IGF2BP2: variants seen among roughly 807,000 people sequenced by gnomAD.
The protein encoded by IGF2BP2 is insulin like growth factor 2 mRNA binding protein 2, also known as insulin-like growth factor 2 mRNA-binding protein 2.
IGF2BP2 carries 17 observed loss-of-function variants against 75.8 expected under a neutral mutation model. The ratio of observed to expected loss-of-function variants is 0.22; its 90% CI spans 0.15 to 0.34. The LOEUF (loss-of-function observed/expected upper bound fraction) is 0.34. Among genes scored for constraint, IGF2BP2 ranks in the 10% least tolerant of loss-of-function variants. The pLI, the probability that IGF2BP2 is intolerant of heterozygous loss-of-function variation, is 1.00. For missense variants in IGF2BP2, 516 were observed against 772.4 expected, an observed-to-expected ratio of 0.67 and a Z score of 3.93; for synonymous variants, 288 against 295.6, an observed-to-expected ratio of 0.97 and a Z score of 0.26.
intron 2 of IGF2BP2, among the ~76,000 whole-genome samples, chr3:185,779,070 T>A (rs1444511177): frequency 6.7e-6 from 1 of 148,446 alleles, no homozygotes; most frequent in Non-Finnish European, 1.5e-5. Flanking sequence ...TAGGCAGATA[T>A]GGAACAAAGC....
chr3:185,725,539 T>C (rs962735719), intron 2 of IGF2BP2, among the ~76,000 whole-genome samples: 2 of 152,106 alleles, frequency 1.3e-5, no homozygotes, highest in Non-Finnish European at 2.9e-5. Flanking sequence ...TTGACATAAT[T>C]AGGTTCATCC....
At chr3:185,824,257 G>A (rs1197440770) in intron 1 of IGF2BP2, among the ~76,000 whole-genome samples, 1 of 151,666 alleles carries the variant, frequency 6.6e-6, no homozygotes, top group African/African-American at 2.4e-5. Flanking sequence ...GGCGAGGTGG[G>A]GAGGGGGCTC....
chr3:185,693,153 C>T (rs1229286848), intron 4 of IGF2BP2: 1 of 160,956 alleles, frequency 6.2e-6, no homozygotes, highest in Non-Finnish European at 1.4e-5. Context: ...ATTTGCTAGT[C>T]TAAATAGTGT....
chr3:185,659,935 C>T (rs560545492), intron 10 of IGF2BP2, among the ~76,000 whole-genome samples: 2 of 152,186 alleles, frequency 1.3e-5, no homozygotes, highest in African/African-American at 4.8e-5. Context: ...GCTGGGATTA[C>T]AGGCATGTGC....
intron 9 of IGF2BP2, among the ~76,000 whole-genome samples, chr3:185,673,095 T>C (rs1054682761): frequency 6.6e-6 from 1 of 152,190 alleles, no homozygotes; most frequent in Admixed American, 6.5e-5. Context: ...TGAGCATAGA[T>C]TACCCCTCAT....
intron 2 of IGF2BP2, among the ~76,000 whole-genome samples, chr3:185,714,937 T>A (rs947133332): frequency 1.3e-5 from 2 of 152,184 alleles, no homozygotes; most frequent in Non-Finnish European, 2.9e-5. Flanking sequence ...GCATTTACTA[T>A]GTTAGATACC....
At chr3:185,669,036 T>A (rs1037500971) in intron 10 of IGF2BP2, among the ~76,000 whole-genome samples, 4 of 152,164 alleles carry the variant, frequency 2.6e-5, no homozygotes, top group African/African-American at 9.7e-5. Context: ...CAAAAATGGC[T>A]AATATGAAAT....
rs1288657047 is a variant in IGF2BP2, at chr3:185,647,773, G to A, written c.1594-635C>T. Among the ~76,000 whole-genome samples, 1 of 152,218 alleles carries A rather than the reference G, an allele frequency of 6.6e-6. No homozygotes were observed. The highest frequency in any genetic ancestry group is 1.5e-5 in the Non-Finnish European group (1 of 68,036). ...TGTTCATCCTCCCCGCTGCCTCACT[G>A]GGCCTGCTTCCCAACAGGACTGCAC... On this transcript the variant is annotated intron_variant, in intron 14 of 15. Transcript: ENST00000382199. This position sits in a 1 kb window ranked among gnomAD's most constrained non-coding sequence, Gnocchi z 4.9.
intron 2 of IGF2BP2, among the ~76,000 whole-genome samples, chr3:185,725,589 G>T (rs934857392): frequency 5.3e-5 from 8 of 152,136 alleles, no homozygotes; most frequent in Non-Finnish European, 1.2e-4. Flanking sequence ...GGATAGTCGG[G>T]GTAGAGGAGA....
intron 10 of IGF2BP2, among the ~76,000 whole-genome samples, chr3:185,663,253 T>A (rs1716763757): frequency 6.6e-6 from 1 of 152,170 alleles, no homozygotes; most frequent in Non-Finnish European, 1.5e-5. Context: ...ACTTTATTTT[T>A]GAGTGTTTCA....
intron 2 of IGF2BP2, among the ~76,000 whole-genome samples, chr3:185,799,476 C>T (rs1737888940): frequency 6.6e-6 from 1 of 152,098 alleles, no homozygotes; most frequent in South Asian, 2.1e-4. Flanking sequence ...ATGCCAGGCA[C>T]GGTGGCTCAC....
intron 2 of IGF2BP2, among the ~76,000 whole-genome samples, chr3:185,759,103 G>T (rs963453777): frequency 2.6e-4 from 40 of 152,206 alleles, no homozygotes; most frequent in African/African-American, 9.7e-4. Flanking sequence ...ATGAGTTTCA[G>T]TTACAATGGA....
intron 2 of IGF2BP2, among the ~76,000 whole-genome samples, chr3:185,816,282 A>C (rs1468962941): frequency 6.6e-6 from 1 of 152,200 alleles, no homozygotes; most frequent in Non-Finnish European, 1.5e-5. Flanking sequence ...CAACAACAAC[A>C]ACCCCACAAC....
intron 8 of IGF2BP2, 145 bp downstream of exon 8, chr3:185,675,646 T>C: frequency 2.6e-6 from 3 of 1,159,140 alleles, no homozygotes; most frequent in South Asian, 3.0e-5. Context: ...TAAGTATTTA[T>C]GTATTTTTTT....
At chr3:185,742,345 A>C (rs1041811072) in intron 2 of IGF2BP2, among the ~76,000 whole-genome samples, 1 of 151,974 alleles carries the variant, frequency 6.6e-6, no homozygotes, top group Non-Finnish European at 1.5e-5. Flanking sequence ...AATACAAAAA[A>C]ATTAGCCAGG....
At chr3:185,671,029 C>T (rs986494252) in intron 10 of IGF2BP2, among the ~76,000 whole-genome samples, 4 of 152,194 alleles carry the variant, frequency 2.6e-5, no homozygotes, top group African/African-American at 9.7e-5. Context: ...CTCAATGCCA[C>T]TTGGTTGTAC....
rs533963339 is a variant in IGF2BP2 at position 185,740,411 on chromosome 3, A to G, written c.240-42064T>C. On this transcript the variant is annotated intron_variant, in intron 2 of 15. Coordinates refer to ENST00000382199, the MANE Select transcript of IGF2BP2 (RefSeq NM_006548.6). ...CCCATTCTCAAAACATTCACAGTCT[A>G]ATACAGACCAGTACTATTTTCTCCT... Among the ~76,000 whole-genome samples the G allele has an allele frequency of 2.0e-5, 3 of 152,352 alleles. No individual in the cohort carries two copies. In the South Asian group the frequency reaches 6.2e-4, roughly 32 times the overall value.
chr3:185,650,276 CTTT>C (rs879270422), intron 13 of IGF2BP2, among the ~76,000 whole-genome samples: 2 of 138,744 alleles, frequency 1.4e-5, no homozygotes, highest in Admixed American at 7.2e-5. Context: ...ACCTATCTTT[CTTT>C]TTTTTTTTTA....
At chr3:185,665,248 A>AAGGAGAAGGAGGAGG (rs1560249958) in intron 10 of IGF2BP2, among the ~76,000 whole-genome samples, 2 of 120,700 alleles carry the variant, frequency 1.7e-5, no homozygotes, top group African/African-American at 6.3e-5. Flanking sequence ...GAAGGAGAAG[A>AAGGAGAAGGAGGAGG]AGGAGAAGGA....
Sources: gnomAD v4.1 joint callset for allele counts (sites outside exome capture counted in the v4.1 genomes callset) on GRCh38, gnomAD v4.1.1 for gene constraint, Gnocchi (gnomAD v3.1) non-coding constraint, MANE v1.5 for transcripts, NCBI Gene and HGNC (gene_info 2026-07-23, HGNC 2026-07-21) for gene names.